CD8A: variants seen among roughly 807,000 people sequenced by gnomAD.
CD8A encodes the protein T-cell surface glycoprotein CD8 alpha chain.
Under a neutral mutation model 24.2 loss-of-function variants are expected in CD8A, and 25 were observed. The ratio of observed to expected loss-of-function variants is 1.03; its 90% CI spans 0.75 to 1.44. CD8A has a LOEUF of 1.44. Ranked by LOEUF, CD8A falls within the 40% of genes most tolerant of loss-of-function variation. The pLI is 0.00. For missense variants in CD8A, 360 were observed against 319.7 expected (o/e 1.13, Z -0.96); for synonymous variants, 165 against 149.9 (o/e 1.10, Z -0.74).
At chr2:86,801,651 C>T (rs910176393) in exon 3 of CD8A, 1 of 151,778 alleles carries the variant, frequency 6.6e-6, no homozygotes, top group African/African-American at 2.4e-5. Flanking sequence ...CTGGTTCATG[C>T]TTTTGTCTTT....
At position 86,789,424 on chromosome 2, in the gene CD8A, C is replaced by A; in HGVS notation, c.524G>T (p.Arg175Met). Reference sequence around the variant, plus strand: ...GATATCACAGGCGAAGTCCAGCCCCCTCGTGTGCACTGACGACACCAAAGA... The same window carrying A: ...GATATCACAGGCGAAGTCCAGCCCCATCGTGTGCACTGACGACACCAAAGA... Reference protein sequence around the residue: ...RPAAGGAVHTRGLDFACDIYI... With the variant: ...RPAAGGAVHTMGLDFACDIYI... Residue 175 changes from arginine (R) to methionine (M), a missense_variant, in exon 4 of 6, where the codon AGG becomes ATG. Arg to Met is a moderately conservative substitution (Grantham distance 91). Transcript: ENST00000283635. 1.2e-6 allele frequency: 2 copies of A among 1,612,830 alleles called. No individual in the cohort carries two copies. The highest frequency in any genetic ancestry group is 1.7e-6 in the Non-Finnish European group (2 of 1,178,734).
At chr2:86,805,943 T>C (rs190027538) in intron 2 of CD8A, among the ~76,000 whole-genome samples, 5 of 148,670 alleles carry the variant, frequency 3.4e-5, no homozygotes, top group African/African-American at 5.2e-5. Context: ...CTCTCTCTCT[T>C]TCTTTTTCTT....
chr2:86,804,555 C>T (rs1019493035), intron 2 of CD8A, among the ~76,000 whole-genome samples: 1 of 152,128 alleles, frequency 6.6e-6, no homozygotes, highest in African/African-American at 2.4e-5. Context: ...GAACTGTACA[C>T]TTAAATGTTA....
At chr2:86,788,455 A>G in intron 5 of CD8A, 75 bp downstream of exon 5, 1 of 1,220,662 alleles carries the variant, frequency 8.2e-7, no homozygotes, top group African/African-American at 1.5e-5. Context: ...AGTTCCCACT[A>G]TTTGCTGCTG....
At chr2:86,788,007 C>A (rs1201384654) in intron 5 of CD8A, among the ~76,000 whole-genome samples, 1 of 151,808 alleles carries the variant, frequency 6.6e-6, no homozygotes. Flanking sequence ...CCCCTTTTTT[C>A]TACTCCAGTC....
At chr2:86,794,408 G>T (rs1673410735), upstream of CD8A, among the ~76,000 whole-genome samples, 1 of 152,192 alleles carries the variant, frequency 6.6e-6, no homozygotes, top group Admixed American at 6.5e-5. Flanking sequence ...TTGGAATCAT[G>T]GCTGGGAAAT....
chr2:86,791,337 C>A, upstream of CD8A: 1 of 361,582 alleles, frequency 2.8e-6, no homozygotes, highest in South Asian at 2.1e-5. Flanking sequence ...GAACTAGCGA[C>A]CTGCCCGCTT....
In CD8A at chr2:86,805,919, TTTTC is replaced by T. The variant is rs546923054; in HGVS notation, c.-418+1524_-418+1527del. Among the ~76,000 whole-genome samples, 435 of 151,918 alleles carry T rather than the reference TTTTC, an allele frequency of 2.9e-3. 1 individual carries two copies. The highest frequency in any genetic ancestry group is 8.0e-3 in the African/African-American group (333 of 41,450). On this transcript the variant is annotated intron_variant, in intron 2 of 8. Transcript: ENST00000409511. Reference sequence around the variant, plus strand: ...CTGCATCCAAAAAAGGCTCGTTTCTTTTTCTTTCTTTCTCTCTCTCTCTTTCTTT... The same window carrying T: ...CTGCATCCAAAAAAGGCTCGTTTCTTTTTCTTTCTCTCTCTCTCTTTCTTT...
At position 86,789,801 on chromosome 2, in the gene CD8A, G is replaced by GCCCCCT. The variant is rs1202346795; in HGVS notation, c.404-52_404-51insAGGGGG. Reference sequence around the variant, plus strand: ...GGGGCCAGGCTGGGGTTATGGAGGCGCCCCAGCCCCGGCCTCGCGCACCTT... The same window carrying GCCCCCT: ...GGGGCCAGGCTGGGGTTATGGAGGCGCCCCCTCCCCAGCCCCGGCCTCGCGCACCTT... On this transcript the variant is annotated intron_variant, in intron 2 of 5. Transcript: ENST00000283635. The GCCCCCT allele has an allele frequency of 8.9e-6, 9 of 1,012,014 alleles. No individual in the cohort carries two copies. In the African/African-American group the frequency reaches 1.3e-4, roughly 15 times the overall value. The allele number at this position is 1,012,014 out of a possible 1,614,324, so 62.7% of individuals were successfully genotyped here.
Position 86,790,578 on chromosome 2 carries a change from C to T in CD8A, c.153G>A (p.Thr51=), listed in dbSNP as rs147048705. 7 of 1,612,604 alleles carry T rather than the reference C, an allele frequency of 4.3e-6. No homozygotes were observed. Among genetic ancestry groups the T allele is most frequent in the Non-Finnish European group, 5.1e-6 (6 of 1,179,898 alleles). ...LKCQVLLSNP[T]SGCSWLFQPR... ...GCTGGAAGAGCCACGAGCAGCCCGA[C>T]GTCGGGTTGGACAGCAGCACCTGGC... Residue 51 remains threonine, a synonymous_variant, in exon 2 of 6, where the codon ACG becomes ACA. Transcript: ENST00000283635.
rs1464201564 is a variant in CD8A, at chr2:86,797,381, G to C, written c.-271+4130C>G. On this transcript the variant is annotated intron_variant, in intron 3 of 8. Transcript: ENST00000409511. ...GAATCCAGGTAGTGCAGGAAATTCAGAATGGGGCTTGAGAAGGTGGAAGAA... is the reference window on the plus strand; with the variant it reads ...GAATCCAGGTAGTGCAGGAAATTCACAATGGGGCTTGAGAAGGTGGAAGAA... 4.6e-5 allele frequency among the ~76,000 whole-genome samples: 7 copies of C among 152,372 alleles called. No homozygotes were observed. In the East Asian group the frequency reaches 1.3e-3, roughly 29 times the overall value.
chr2:86,789,754 C>G lies in CD8A; in HGVS notation c.404-4G>C. On this transcript the variant is annotated splice_polypyrimidine_tract_variant and splice_region_variant and intron_variant, in intron 2 of 5. Transcript: ENST00000283635. ...GCTGGCGTCGTGGTGGGCTTCGCTGCAAGAGCAACAGAGCGTGGTTGGGGG... is the reference window on the plus strand; with the variant it reads ...GCTGGCGTCGTGGTGGGCTTCGCTGGAAGAGCAACAGAGCGTGGTTGGGGG... The G allele has an allele frequency of 7.4e-7, 1 of 1,353,832 alleles. No homozygotes were observed. Among genetic ancestry groups the G allele is most frequent in the South Asian group, 2.0e-5 (1 of 49,828 alleles). 83.9% of individuals were successfully genotyped at this position (1,353,832 alleles called of 1,614,324 possible). A position where few individuals can be genotyped will look rare whatever the true frequency, so the allele number is the denominator to read the frequency against.
chr2:86,790,367 T>C lies in CD8A; in HGVS notation c.364A>G (p.Ile122Val), dbSNP rs199855213. The C allele has an allele frequency of 5.6e-6, 9 of 1,613,786 alleles. No homozygotes were observed. The highest frequency in any genetic ancestry group is 7.6e-6 in the Non-Finnish European group (9 of 1,179,978). The change falls in exon 2 of 6, where the codon ATC (isoleucine) becomes GTC (valine). Residue 122 changes from isoleucine to valine, a missense_variant. By Grantham distance (29) the Ile-to-Val change is conservative. Coordinates refer to ENST00000283635, the MANE Select transcript of CD8A (RefSeq NM_001768.7). Reference sequence around the variant, plus strand: ...GGCACGAAGTGGCTGAAGTACATGATGGAGTTGCTCAGGGCCGAGCAGAAA... The same window carrying C: ...GGCACGAAGTGGCTGAAGTACATGACGGAGTTGCTCAGGGCCGAGCAGAAA... Reference protein sequence around the residue: ...YYFCSALSNSIMYFSHFVPVF... With the variant: ...YYFCSALSNSVMYFSHFVPVF...
intron 3 of CD8A, among the ~76,000 whole-genome samples, chr2:86,796,222 T>C (rs1343901926): frequency 1.3e-5 from 2 of 152,156 alleles, no homozygotes; most frequent in African/African-American, 4.8e-5. Context: ...GCTGTTGAGA[T>C]GTATATTAGC....
intron 3 of CD8A, among the ~76,000 whole-genome samples, chr2:86,799,196 G>A (rs1317895808): frequency 6.6e-6 from 1 of 152,092 alleles, no homozygotes; most frequent in Non-Finnish European, 1.5e-5. Flanking sequence ...CTCATAAAAT[G>A]GACCTGCCCA....
intron 4 of CD8A, 81 bp from the exon 5 acceptor site, chr2:86,788,641 C>CTGTTGT (rs1673124507): frequency 2.3e-6 from 3 of 1,327,626 alleles, no homozygotes; most frequent in Non-Finnish European, 3.2e-6. Flanking sequence ...TTTGTTGTTG[C>CTGTTGT]TGTTGTTGTT....
chr2:86,793,048 C>A (rs1390677196), upstream of CD8A, among the ~76,000 whole-genome samples: 1 of 152,158 alleles, frequency 6.6e-6, no homozygotes, highest in African/African-American at 2.4e-5. Flanking sequence ...TGAATGTGTC[C>A]CTTAGATATT....
At chr2:86,787,898 A>AGAGAGAGAGAGAGAGAGT (rs369993109) in intron 5 of CD8A, among the ~76,000 whole-genome samples, 3 of 144,490 alleles carry the variant, frequency 2.1e-5, no homozygotes, top group African/African-American at 7.7e-5. Context: ...AGAGAGAGAG[A>AGAGAGAGAGAGAGAGAGT]GTGTGTGTGT....
chr2:86,789,907 C>T (rs779588632), intron 2 of CD8A, among the ~76,000 whole-genome samples, 157 bp from the exon 3 acceptor site: 16 of 152,180 alleles, frequency 1.1e-4, no homozygotes, highest in Non-Finnish European at 1.9e-4. Flanking sequence ...GGGATGCGCG[C>T]GGACCCCTGT....
Sources: gnomAD v4.1 joint callset for allele counts (sites outside exome capture counted in the v4.1 genomes callset) on GRCh38, gnomAD v4.1.1 for gene constraint, MANE v1.5 for transcripts, NCBI Gene and HGNC (gene_info 2026-07-23, HGNC 2026-07-21) for gene names.